Variants in TDRD12 observed in about 807,000 individuals in gnomAD.
The protein encoded by TDRD12 is tudor domain containing 12.
Under a neutral mutation model 133.5 loss-of-function variants are expected in TDRD12, and 158 were observed. The ratio of observed to expected loss-of-function variants is 1.18; its 90% CI spans 1.04 to 1.35. The LOEUF is 1.35. TDRD12 is among the 40% of genes most tolerant of loss of function. TDRD12 has a pLI of 0.00. For synonymous variants in TDRD12, 460 were observed against 477.9 expected (o/e 0.96, Z 0.49); for missense variants, 1,443 against 1,321.3 (o/e 1.09, Z -1.43).
chr19:32,804,429 C>T (rs1971484784), intron 21 of TDRD12, among the ~76,000 whole-genome samples: 1 of 151,066 alleles, frequency 6.6e-6, no homozygotes, highest in South Asian at 2.1e-4. Context: ...TGCAGTGGCT[C>T]ACACCTGTAA....
intron 11 of TDRD12, among the ~76,000 whole-genome samples, chr19:32,784,340 C>T (rs145270418): frequency 0.011 from 1,714 of 152,054 alleles, 36 homozygotes; most frequent in African/African-American, 0.039. Flanking sequence ...GGGATGAAGC[C>T]GACTTGATCA....
chr19:32,802,571 A>C, intron 19 of TDRD12, 85 bp from the exon 20 acceptor site: 1 of 1,422,376 alleles, frequency 7.0e-7, no homozygotes, highest in South Asian at 1.3e-5. Context: ...ATGGAAATGC[A>C]CTGCAGTGTG....
At chr19:32,781,730 T>A (rs1970772691) in intron 11 of TDRD12, among the ~76,000 whole-genome samples, 1 of 151,872 alleles carries the variant, frequency 6.6e-6, no homozygotes, top group African/African-American at 2.4e-5. Flanking sequence ...TATAGGATCT[T>A]CCTTTGTTGC....
At chr19:32,758,504 G>A (rs1456323685) in intron 8 of TDRD12, among the ~76,000 whole-genome samples, 3 of 152,150 alleles carry the variant, frequency 2.0e-5, no homozygotes, top group African/African-American at 7.2e-5. Flanking sequence ...CTTGTAGCTA[G>A]GCTTTAAACT....
At chr19:32,732,360 C>T (rs752648914) in intron 2 of TDRD12, among the ~76,000 whole-genome samples, 2 of 152,078 alleles carry the variant, frequency 1.3e-5, no homozygotes, top group African/African-American at 2.4e-5. Context: ...AGGGGGTGGC[C>T]GCCATGTAAG....
chr19:32,827,380 T>G (rs398040829), exon 10 of TDRD12: 1 of 455,988 alleles, frequency 2.2e-6, no homozygotes, highest in Admixed American at 5.6e-5. Flanking sequence ...TTCTTTTTTT[T>G]TTTTTTTTTT....
At chr19:32,762,893 T>C (rs1970191466) in intron 8 of TDRD12, among the ~76,000 whole-genome samples, 1 of 152,228 alleles carries the variant, frequency 6.6e-6, no homozygotes, top group African/African-American at 2.4e-5. Context: ...ACTACACATA[T>C]AGGCAATATG....
intron 1 of TDRD12, among the ~76,000 whole-genome samples, chr19:32,730,070 G>A (rs911337992): frequency 6.6e-6 from 1 of 151,996 alleles, no homozygotes; most frequent in Non-Finnish European, 1.5e-5. Context: ...GATTACAGGT[G>A]TGAGCCACAG....
intron 8 of TDRD12, among the ~76,000 whole-genome samples, chr19:32,770,542 C>G (rs1970416868): frequency 6.6e-6 from 1 of 152,204 alleles, no homozygotes; most frequent in Non-Finnish European, 1.5e-5. Flanking sequence ...CTCCTCTTTT[C>G]ATTTCTGTTC....
At chr19:32,725,435 C>T (rs1359009621) in intron 1 of TDRD12, among the ~76,000 whole-genome samples, 1 of 152,020 alleles carries the variant, frequency 6.6e-6, no homozygotes, top group Non-Finnish European at 1.5e-5. Flanking sequence ...CTGCATACGG[C>T]TAGCCAGTTT....
chr19:32,821,075 G>A, exon 28 of TDRD12: 1 of 1,535,970 alleles, frequency 6.5e-7, no homozygotes, highest in Non-Finnish European at 8.7e-7. Context: ...AGAGCCCCCA[G>A]CCTGAGGACA....
At chr19:32,720,008 C>T (rs889696007) in exon 1 of TDRD12, 54 of 1,535,850 alleles carry the variant, frequency 3.5e-5, no homozygotes, top group Non-Finnish European at 2.1e-5. Flanking sequence ...ACGCAGCCAG[C>T]CTCACCCGCG....
chr19:32,798,356 G>C, exon 16 of TDRD12: 15 of 1,535,792 alleles, frequency 9.8e-6, no homozygotes, highest in Non-Finnish European at 1.3e-5. Context: ...CTTCTCGCCT[G>C]TCAGAGCCTG....
chr19:32,824,118 G>A (rs2145769014), downstream of TDRD12: 1 of 152,560 alleles, frequency 6.6e-6, no homozygotes, highest in African/African-American at 2.4e-5. Flanking sequence ...CTCAGGTTCA[G>A]GCAGGTGAAG....
intron 3 of TDRD12, among the ~76,000 whole-genome samples, chr19:32,741,931 G>A (rs1260907282): frequency 6.6e-6 from 1 of 152,114 alleles, no homozygotes; most frequent in Non-Finnish European, 1.5e-5. Context: ...TGCCAAAGAA[G>A]AATGGAAATT....
chr19:32,807,733 G>A, intron 22 of TDRD12, 85 bp downstream of exon 22: 1 of 974,148 alleles, frequency 1.0e-6, no homozygotes, highest in South Asian at 1.7e-5. Context: ...GATCTTAGTA[G>A]ATGTCATGGT....
chr19:32,721,058 G>A lies in TDRD12; in HGVS notation c.24+962G>A, dbSNP rs552897324. Reference sequence around the variant, plus strand: ...CGCCTGGACAGGGTCGGGTGGCCCGGGCAGCCCCAGCCCATGGGTCCGGGC... The same window carrying A: ...CGCCTGGACAGGGTCGGGTGGCCCGAGCAGCCCCAGCCCATGGGTCCGGGC... On this transcript the variant is annotated intron_variant, in intron 1 of 27. Transcript: ENST00000444215. 2.0e-5 allele frequency among the ~76,000 whole-genome samples: 3 copies of A among 152,096 alleles called. No homozygotes were observed. In the South Asian group the frequency reaches 6.2e-4, roughly 32 times the overall value.
intron 26 of TDRD12, 95 bp from the exon 27 acceptor site, chr19:32,817,994 C>T (rs761139180): frequency 2.9e-6 from 2 of 681,212 alleles, no homozygotes; most frequent in Non-Finnish European, 5.3e-6. Flanking sequence ...AGTGTTTTTA[C>T]CCATGCACTC....
intron 11 of TDRD12, among the ~76,000 whole-genome samples, chr19:32,784,573 C>T (rs1162611978): frequency 1.3e-5 from 2 of 152,176 alleles, no homozygotes; most frequent in East Asian, 1.9e-4. Context: ...GTACCAGCTG[C>T]TCTTTCTACC....
Sources: allele counts gnomAD v4.1 joint callset (sites outside exome capture counted in the v4.1 genomes callset), GRCh38; gene constraint gnomAD v4.1.1; transcripts MANE v1.5; gene names NCBI Gene and HGNC (gene_info 2026-07-23, HGNC 2026-07-21).